The following E2F8 variants were observed in gnomAD, a reference collection of about 807,000 sequenced individuals.
E2F8 encodes transcription factor E2F8.
Under a neutral mutation model 80.8 loss-of-function variants are expected in E2F8, and 35 were observed. The observed-to-expected ratio is 0.43, with a 90% confidence interval of 0.33 to 0.57. The LOEUF is 0.57. Ranked by LOEUF, E2F8 falls within the 20% of genes least tolerant of loss-of-function variation. E2F8 has a pLI of 0.04. For missense variants in E2F8, 975 were observed against 1,056.2 expected, an observed-to-expected ratio of 0.92 and a Z score of 1.07; for synonymous variants, 386 against 395.0, an observed-to-expected ratio of 0.98 and a Z score of 0.27.
intron 8 of E2F8, 121 bp downstream of exon 8, chr11:19,230,510 G>T: frequency 7.9e-7 from 1 of 1,265,172 alleles, no homozygotes; most frequent in South Asian, 1.4e-5. Context: ...GCTTCAAGAG[G>T]GTTTGGGTAT....
At chr11:19,238,349 C>G (rs10833076) in intron 2 of E2F8, among the ~76,000 whole-genome samples, 42,918 of 152,056 alleles carry the variant, frequency 0.28, 6,336 homozygotes, top group East Asian at 0.5. Context: ...TTGCAATAAG[C>G]CATAAATGTT....
chr11:19,238,492 GC>G (rs1395566104), intron 2 of E2F8, among the ~76,000 whole-genome samples: 1 of 152,246 alleles, frequency 6.6e-6, no homozygotes, highest in Non-Finnish European at 1.5e-5. Flanking sequence ...CCTTCACTCA[GC>G]TTCCCCTAAT....
chr11:19,232,449 A>G lies in E2F8; in HGVS notation c.929-78T>C, dbSNP rs1851407714. 14 of 1,253,478 alleles carry G rather than the reference A, an allele frequency of 1.1e-5. No homozygotes were observed. The South Asian group carries it at 2.0e-4, about 18-fold the overall frequency. The allele number at this position is 1,253,478 out of a possible 1,614,324, so 77.6% of individuals were successfully genotyped here. A position where few individuals can be genotyped will look rare whatever the true frequency, so the allele number is the denominator to read the frequency against. On this transcript the variant is annotated intron_variant, in intron 6 of 12. Transcript: ENST00000250024. ...ATTTTCCTTCAGAAGGACTTCATGT[A>G]TATTCTAAGAGCTGTCTTAACCATC...
rs1851355105 is a variant in E2F8 at position 19,230,708 on chromosome 11, A to G, written c.1193T>C (p.Ile398Thr). ...ACTTTCTATACTCTTTACCAATTTGATAAGAGATGGGTGTCGAGTAAAGTT... is the reference window on the plus strand; with the variant it reads ...ACTTTCTATACTCTTTACCAATTTGGTAAGAGATGGGTGTCGAGTAAAGTT... ...KPNFTRHPSL[I>T]KLVKSIESDR... The change falls in exon 8 of 13, where the codon ATC (isoleucine) becomes ACC (threonine). Residue 398 changes from isoleucine (I) to threonine (T), a missense_variant. Ile to Thr is a moderately conservative substitution (Grantham distance 89). Transcript: ENST00000250024. 2 of 1,614,188 alleles carry G rather than the reference A, an allele frequency of 1.2e-6. No individual in the cohort carries two copies. Among genetic ancestry groups the G allele is most frequent in the Non-Finnish European group, 8.5e-7 (1 of 1,180,026 alleles).
chr11:19,232,935 C>T (rs1369228738), intron 6 of E2F8, among the ~76,000 whole-genome samples: 1 of 152,118 alleles, frequency 6.6e-6, no homozygotes, highest in African/African-American at 2.4e-5. Context: ...TACAAAAAGT[C>T]TGTTTTTTAC....
In E2F8 at chr11:19,229,669, C is replaced by T; in HGVS notation, c.1678G>A (p.Asp560Asn). The change falls in exon 10 of 13, where the codon GAT becomes AAT. Residue 560 changes from aspartate to asparagine, a missense_variant. Asp to Asn is a conservative substitution (Grantham distance 23). Coordinates refer to ENST00000250024, the MANE Select transcript of E2F8 (RefSeq NM_024680.4). This position sits in a 1 kb window ranked among gnomAD's most constrained non-coding sequence, Gnocchi z 4.3. ...SKATGSKDST[D>N]ATTEKAANDT... Reference sequence around the variant, plus strand: ...TTGGCTGCCTTCTCAGTGGTGGCATCTGTGGAGTCTTTTGAGCCAGTAGCT... The same window carrying T: ...TTGGCTGCCTTCTCAGTGGTGGCATTTGTGGAGTCTTTTGAGCCAGTAGCT... 1 of 1,614,180 alleles carries T rather than the reference C, an allele frequency of 6.2e-7. No homozygotes were observed. Among genetic ancestry groups the T allele is most frequent in the South Asian group, 1.1e-5 (1 of 91,070 alleles).
chr11:19,233,108 T>G (rs538237686), intron 6 of E2F8, among the ~76,000 whole-genome samples: 1 of 152,302 alleles, frequency 6.6e-6, no homozygotes, highest in East Asian at 1.9e-4. Flanking sequence ...ATCCGGTGAC[T>G]CACAAAAGGC....
chr11:19,230,357 GGT>G, intron 8 of E2F8, 29 bp from the exon 9 acceptor site: 1 of 1,595,632 alleles, frequency 6.3e-7, no homozygotes, highest in Non-Finnish European at 8.6e-7. Flanking sequence ...AGAGAGCACC[GGT>G]CAAAGCTAAA....
At chr11:19,230,973 C>T in intron 7 of E2F8, 139 bp from the exon 8 acceptor site, 1 of 699,706 alleles carries the variant, frequency 1.4e-6, no homozygotes, top group Non-Finnish European at 2.4e-6. Context: ...AAGGGCTTTA[C>T]AGAGAAAGCC....
In E2F8 at chr11:19,238,172, C is replaced by G. The variant is rs192880896; in HGVS notation, c.16-40G>C. The stretch of plus-strand genomic sequence containing the variant: ...GTAAATAATTAAATCCATGGTAAAA[C>G]AGGATTTATCAGACAGCTTGGATTC... On this transcript the variant is annotated intron_variant, in intron 2 of 12. Coordinates refer to ENST00000250024, the MANE Select transcript of E2F8 (RefSeq NM_024680.4). The G allele has an allele frequency of 5.3e-5, 82 of 1,553,058 alleles. No homozygotes were observed. The East Asian group carries it at 1.8e-3, about 35-fold the overall frequency.
intron 3 of E2F8, 66 bp downstream of exon 3, chr11:19,237,788 T>C: frequency 6.5e-7 from 1 of 1,541,630 alleles, no homozygotes; most frequent in Non-Finnish European, 8.7e-7. Context: ...ACTTCTCTAA[T>C]AGCTACAACC....
At position 19,230,313 on chromosome 11, in the gene E2F8, T is replaced by C. The variant is rs1420789719; in HGVS notation, c.1286A>G (p.Asn429Ser). 2 of 1,613,966 alleles carry C rather than the reference T, an allele frequency of 1.2e-6. No homozygotes were observed. The highest frequency in any genetic ancestry group is 1.7e-6 in the Non-Finnish European group (2 of 1,179,954). Residue 429 changes from asparagine (N) to serine (S), a missense_variant, in exon 9 of 13, where the codon AAT (asparagine) becomes AGT (serine). Transcript: ENST00000250024. ...CATTTTACTTGGGAAGGGTGCAGAA[T>C]TCTGAGAACTCTCAGCTGGTAAAAT... ...IKTNKAESSQ[N>S]SAPFPSKMAQ...
chr11:19,233,192 C>T (rs1851424583), intron 6 of E2F8, among the ~76,000 whole-genome samples: 1 of 152,194 alleles, frequency 6.6e-6, no homozygotes, highest in African/African-American at 2.4e-5. Context: ...CCAAGTGCTC[C>T]TCCCCATCCG....
intron 10 of E2F8, among the ~76,000 whole-genome samples, chr11:19,226,300 A>C (rs1851235909): frequency 6.6e-6 from 1 of 152,252 alleles, no homozygotes; most frequent in African/African-American, 2.4e-5. Flanking sequence ...GCAAACAGGC[A>C]TTACCTGATT....
At chr11:19,228,814 G>C (rs1053641376) in intron 10 of E2F8, among the ~76,000 whole-genome samples, 1 of 152,158 alleles carries the variant, frequency 6.6e-6, no homozygotes, top group Non-Finnish European at 1.5e-5. Context: ...TATTATGTCT[G>C]CTATATGTGG....
At chr11:19,232,017 T>C (rs1190684545) in intron 7 of E2F8, among the ~76,000 whole-genome samples, 6 of 152,212 alleles carry the variant, frequency 3.9e-5, no homozygotes, top group African/African-American at 1.2e-4. Context: ...AATGAGATCA[T>C]GTCCTCTGTG....
At position 19,225,486 on chromosome 11, in the gene E2F8, G is replaced by A. The variant is rs368385670; in HGVS notation, c.2156C>T (p.Ala719Val). The A allele has an allele frequency of 1.1e-5, 17 of 1,614,230 alleles. No homozygotes were observed. In the African/African-American group the frequency reaches 1.5e-4, roughly 14 times the overall value. ...AVPVGNSPAL[A>V]SSHPVPIQNP... is the part of the protein sequence containing the mutation. ...CTGGATGGGAACAGGGTGGCTTGAA[G>A]CGAGAGCCGGGCTGTTCCCGACAGG... The change falls in exon 12 of 13, where the codon GCT becomes GTT. Residue 719 changes from alanine (A) to valine (V), a missense_variant. By Grantham distance (64) the Ala-to-Val change is moderately conservative. Transcript: ENST00000250024.
At chr11:19,238,949 T>C (rs1346987253) in intron 2 of E2F8, among the ~76,000 whole-genome samples, 1 of 152,184 alleles carries the variant, frequency 6.6e-6, no homozygotes, top group African/African-American at 2.4e-5. Flanking sequence ...GGATAGCCAC[T>C]GAGACAAAAG....
chr11:19,227,093 A>G (rs2133555920), intron 10 of E2F8, among the ~76,000 whole-genome samples: 1 of 152,330 alleles, frequency 6.6e-6, no homozygotes, highest in East Asian at 1.9e-4. Context: ...AAAAGCTAAA[A>G]ACCGCTCTTA....
Sources: allele counts gnomAD v4.1 joint callset (sites outside exome capture counted in the v4.1 genomes callset), GRCh38; gene constraint gnomAD v4.1.1; non-coding constraint Gnocchi (gnomAD v3.1); transcripts MANE v1.5; gene names NCBI Gene and HGNC (gene_info 2026-07-23, HGNC 2026-07-21).